The following BYSL variants were observed in gnomAD, a reference collection of about 807,000 sequenced individuals.
The protein encoded by BYSL is bystin like, also known as bystin.
Under a neutral mutation model 45.4 loss-of-function variants are expected in BYSL, and 21 were observed. The ratio of observed to expected loss-of-function variants is 0.46; its 90% CI spans 0.33 to 0.67. BYSL has a LOEUF of 0.67. Ranked by LOEUF, BYSL falls within the 30% of genes least tolerant of loss-of-function variation. The pLI, the probability that BYSL is intolerant of heterozygous loss-of-function variation, is 0.02. For synonymous variants in BYSL, 215 were observed against 231.3 expected (o/e 0.93, Z 0.64); for missense variants, 522 against 578.5 (o/e 0.90, Z 1.00).
At chr6:41,920,914 G>A, upstream of BYSL, 1 of 1,519,952 alleles carries the variant, frequency 6.6e-7, no homozygotes, top group East Asian at 2.5e-5. Flanking sequence ...ATCTCCCTCA[G>A]CTCCCAGAGG....
In BYSL at chr6:41,930,260, G is replaced by T; in HGVS notation, c.560G>T (p.Gly187Val). The T allele has an allele frequency of 6.2e-7, 1 of 1,614,032 alleles. No homozygotes were observed. Among genetic ancestry groups the T allele is most frequent in the Non-Finnish European group, 8.5e-7 (1 of 1,179,926 alleles). The change falls in exon 3 of 7, where the codon GGG (glycine) becomes GTG (valine). Residue 187 changes from glycine to valine, a missense_variant. Physicochemically the swap from Gly to Val is moderately radical, Grantham distance 109 (BLOSUM62 -3). Transcript: ENST00000230340. Reference protein sequence around the residue: ...LDPRVLEVYRGVREVLSKYRS... With the variant: ...LDPRVLEVYRVVREVLSKYRS... ...CCCCGGGTCCTAGAAGTGTACAGGG[G>T]GGTCCGGGAGGTAAGAGCTGAGAGG...
upstream of BYSL, chr6:41,920,840 G>A (rs1337254792): frequency 5.1e-6 from 4 of 781,462 alleles, no homozygotes; most frequent in East Asian, 6.3e-5. Flanking sequence ...GCGCATCTCT[G>A]AGGAAACAAG....
chr6:41,931,405 C>G lies in BYSL; in HGVS notation c.714C>G (p.Ala238=). The G allele has an allele frequency of 1.9e-6, 3 of 1,614,040 alleles. No homozygotes were observed. Among genetic ancestry groups the G allele is most frequent in the Non-Finnish European group, 2.5e-6 (3 of 1,179,988 alleles). The part of the protein sequence containing the change: ...AAMYQATRIF[A]SNLKERMAQR... ...GCTTAACTCCCACTAGGATTTTTGC[C>G]TCTAACCTGAAGGAACGCATGGCCC... The change falls in exon 5 of 7, where the codon GCC becomes GCG. Residue 238 remains alanine (A), a synonymous_variant. Coordinates refer to ENST00000230340, the MANE Select transcript of BYSL (RefSeq NM_004053.4).
Position 41,921,743 on chromosome 6 carries a change from C to G in BYSL, c.181C>G (p.Gln61Glu). 2 of 1,613,546 alleles carry G rather than the reference C, an allele frequency of 1.2e-6. No homozygotes were observed. The highest frequency in any genetic ancestry group is 1.3e-5 in the African/African-American group (1 of 74,980). Residue 61 changes from glutamine to glutamate, a missense_variant, in exon 1 of 7, where the codon CAA becomes GAA. Gln to Glu is a conservative substitution (Grantham distance 29). Coordinates refer to ENST00000230340, the MANE Select transcript of BYSL (RefSeq NM_004053.4). ...GPRLSRRILQ[Q>E]ARQQQEELEA... ...CCGGCTGAGCCGACGGATTTTGCAG[C>G]AAGCACGGCAGCAACAGGAGGAACT...
intron 3 of BYSL, 52 bp downstream of exon 3, chr6:41,930,322 CTCCTGCCACAGG>C: frequency 4.5e-6 from 7 of 1,561,300 alleles, no homozygotes; most frequent in Non-Finnish European, 6.0e-6. Flanking sequence ...GGGCTGTGGG[CTCCTGCCACAGG>C]CTTTTTTGCC....
chr6:41,927,253 A>G (rs1390349674), intron 1 of BYSL, 121 bp from the exon 2 acceptor site: 1 of 1,232,244 alleles, frequency 8.1e-7, no homozygotes, highest in Non-Finnish European at 1.1e-6. Flanking sequence ...GTTTCACTGC[A>G]CATACCTGCG....
the BYSL span, chr6:41,909,338 C>T: frequency 1.2e-6 from 2 of 1,614,178 alleles, no homozygotes; most frequent in Non-Finnish European, 1.7e-6. Flanking sequence ...AGTCACAGTA[C>T]TGGTACCTGG....
the BYSL span, chr6:41,909,348 G>T: frequency 6.2e-7 from 1 of 1,614,128 alleles, no homozygotes; most frequent in South Asian, 1.1e-5. Flanking sequence ...CTGGTACCTG[G>T]TGCCCCGGGT....
chr6:41,915,803 T>C, the BYSL span, among the ~76,000 whole-genome samples: 901 of 45,132 alleles, frequency 0.02, 6 homozygotes, highest in African/African-American at 0.1. Flanking sequence ...CACACACACA[T>C]AAATACTCAC....
Position 41,930,285 on chromosome 6 carries a change from G to A in BYSL, c.570+15G>A. On this transcript the variant is annotated intron_variant, in intron 3 of 6. Coordinates refer to ENST00000230340, the MANE Select transcript of BYSL (RefSeq NM_004053.4). ...GGGTCCGGGAGGTAAGAGCTGAGAG[G>A]GGAGCCATGGTGGAAGACCCCTTTG... The A allele has an allele frequency of 6.2e-7, 1 of 1,611,616 alleles. No individual in the cohort carries two copies. The highest frequency in any genetic ancestry group is 8.5e-7 in the Non-Finnish European group (1 of 1,178,364).
At chr6:41,917,238 A>C (rs940694293), upstream of BYSL, among the ~76,000 whole-genome samples, 1 of 152,108 alleles carries the variant, frequency 6.6e-6, no homozygotes, top group Non-Finnish European at 1.5e-5. Flanking sequence ...CGTCTCTACT[A>C]AAAATACAAA....
chr6:41,922,433 G>A (rs957290870), intron 1 of BYSL, among the ~76,000 whole-genome samples: 2 of 152,198 alleles, frequency 1.3e-5, no homozygotes, highest in Non-Finnish European at 2.9e-5. Flanking sequence ...TTTCTCACTA[G>A]GGAGGGAGTG....
chr6:41,909,542 TATTCATCATCAAG>T, the BYSL span: 1 of 1,609,468 alleles, frequency 6.2e-7, no homozygotes, highest in Non-Finnish European at 8.5e-7. Context: ...ACAGAGATCC[TATTCATCATCAAG>T]ACTTTCACTG....
At position 41,931,711 on chromosome 6, in the gene BYSL, C is replaced by G. The variant is rs1344080804; in HGVS notation, c.866-17C>G. On this transcript the variant is annotated splice_polypyrimidine_tract_variant and intron_variant, in intron 5 of 6. Transcript: ENST00000230340. ...CTCATCCTGGGCTCACAGTGGCTGC[C>G]CTTTGACTCTCCCTAGGGATCCTGA... The G allele has an allele frequency of 1.2e-6, 2 of 1,612,090 alleles. No homozygotes were observed. The highest frequency in any genetic ancestry group is 1.7e-6 in the Non-Finnish European group (2 of 1,178,270).
chr6:41,921,113 C>G, upstream of BYSL: 1 of 1,530,338 alleles, frequency 6.5e-7, no homozygotes, highest in Non-Finnish European at 8.9e-7. Context: ...ACACAACCTT[C>G]TGTCTCAGAA....
the BYSL span, among the ~76,000 whole-genome samples, chr6:41,915,133 A>G: frequency 2.0e-5 from 3 of 152,216 alleles, no homozygotes; most frequent in Non-Finnish European, 4.4e-5. Flanking sequence ...CAAAACAAAA[A>G]GCACTCAAAG....
chr6:41,912,657 G>A, the BYSL span, among the ~76,000 whole-genome samples: 1 of 151,940 alleles, frequency 6.6e-6, no homozygotes, highest in East Asian at 1.9e-4. Flanking sequence ...GCGCCCAGAC[G>A]ACAATCGTAT....
chr6:41,931,778 A>G lies in BYSL; in HGVS notation c.916A>G (p.Ile306Val). Residue 306 changes from isoleucine to valine, a missense_variant, in exon 6 of 7, where the codon ATC becomes GTC. Physicochemically the swap from Ile to Val is conservative, Grantham distance 29. Transcript: ENST00000230340. ...TGGCACTTGTACCCTCCGGGAAGCC[A>G]TCATTGTGGGTAGCATCATCACCAA... ...ESGTCTLREA[I>V]IVGSIITKCS... 1 of 1,614,134 alleles carries G rather than the reference A, an allele frequency of 6.2e-7. No individual in the cohort carries two copies. The highest frequency in any genetic ancestry group is 8.5e-7 in the Non-Finnish European group (1 of 1,180,026).
At chr6:41,924,937 G>A (rs898071812) in intron 1 of BYSL, among the ~76,000 whole-genome samples, 7 of 152,196 alleles carry the variant, frequency 4.6e-5, no homozygotes, top group African/African-American at 1.4e-4. Context: ...ATTGGGTGTT[G>A]AGGGTGAGGG....
Sources: gnomAD v4.1 joint callset for allele counts (sites outside exome capture counted in the v4.1 genomes callset) on GRCh38, gnomAD v4.1.1 for gene constraint, MANE v1.5 for transcripts, NCBI Gene and HGNC (gene_info 2026-07-23, HGNC 2026-07-21) for gene names.